Variants in HIVEP3 observed in about 807,000 individuals in gnomAD.
HIVEP3 encodes the protein transcription factor HIVEP3.
HIVEP3 carries 49 observed loss-of-function variants against 152.8 expected under a neutral mutation model. The observed-to-expected ratio is 0.32, with a 90% CI of 0.26 to 0.41. HIVEP3 has a LOEUF of 0.41. Ranked by LOEUF, HIVEP3 falls within the 10% of genes least tolerant of loss-of-function variation. The pLI is 1.00. For missense variants in HIVEP3, 2,790 were observed against 3,103.3 expected (o/e 0.90, Z 2.40); for synonymous variants, 1,269 against 1,289.0 (o/e 0.98, Z 0.33).
At chr1:41,625,710 G>A (rs1222830808) in intron 3 of HIVEP3, among the ~76,000 whole-genome samples, 1 of 152,016 alleles carries the variant, frequency 6.6e-6, no homozygotes, top group African/African-American at 2.4e-5. Context: ...ACTCTAGCCT[G>A]GGCAACAGAG....
intron 1 of HIVEP3, among the ~76,000 whole-genome samples, chr1:41,707,305 G>A (rs887876343): frequency 6.6e-6 from 1 of 152,208 alleles, no homozygotes; most frequent in African/African-American, 2.4e-5. Context: ...ACCCACAGAA[G>A]GCAGAACCAT....
At chr1:41,870,803 G>A (rs1644065794) in intron 1 of HIVEP3, among the ~76,000 whole-genome samples, 1 of 152,218 alleles carries the variant, frequency 6.6e-6, no homozygotes, top group Non-Finnish European at 1.5e-5. Context: ...GGTCATCGCT[G>A]AGGGGAGTGT....
At position 41,575,533 on chromosome 1, in the gene HIVEP3, A is replaced by T; in HGVS notation, c.5207+11T>A. 1.2e-6 allele frequency: 2 copies of T among 1,613,392 alleles called. No individual in the cohort carries two copies. Among genetic ancestry groups the T allele is most frequent in the Non-Finnish European group, 1.7e-6 (2 of 1,179,556 alleles). On this transcript the variant is annotated intron_variant, in intron 5 of 8. Transcript: ENST00000372583. ...CGGAAGCAGACGATGGAAACCAAAC[A>T]TGAGTCTTACCCTCCTTCGAAGATT... is the stretch of plus-strand genomic sequence containing the variant.
intron 4 of HIVEP3, among the ~76,000 whole-genome samples, chr1:41,578,206 C>A (rs1569977582): frequency 1.3e-5 from 2 of 152,192 alleles, no homozygotes; most frequent in African/African-American, 4.8e-5. Context: ...TGCACCCTAA[C>A]TTTCAAGTTG....
chr1:41,810,180 T>C (rs57993515), intron 1 of HIVEP3, among the ~76,000 whole-genome samples: 4,190 of 152,298 alleles, frequency 0.028, 200 homozygotes, highest in African/African-American at 0.096. Flanking sequence ...TGGGTAATTG[T>C]AGAAATCCAC....
At chr1:42,035,826 G>T in exon 1 of HIVEP3, 2 of 150,630 alleles carry the variant, frequency 1.3e-5, no homozygotes, top group South Asian at 3.7e-4. Flanking sequence ...GGGCCGGGGC[G>T]GCGGGAGGCG....
At chr1:41,718,795 C>G (rs1176869047) in intron 1 of HIVEP3, among the ~76,000 whole-genome samples, 5 of 148,630 alleles carry the variant, frequency 3.4e-5, no homozygotes, top group Non-Finnish European at 7.3e-5. Flanking sequence ...CACACACACA[C>G]ACGTGCACAC....
At chr1:41,527,454 ACCCCTGTCCT>A (rs1643023778) in intron 5 of HIVEP3, among the ~76,000 whole-genome samples, 1 of 84,164 alleles carries the variant, frequency 1.2e-5, no homozygotes, top group Non-Finnish European at 2.4e-5. Flanking sequence ...TCACCCTCAC[ACCCCTGTCCT>A]CACACTCACC....
At chr1:41,532,848 GGGA>G (rs1413420222) in intron 5 of HIVEP3, among the ~76,000 whole-genome samples, 1 of 152,184 alleles carries the variant, frequency 6.6e-6, no homozygotes, top group Non-Finnish European at 1.5e-5. Flanking sequence ...ATGTAGATTT[GGGA>G]GGAGGATGAC....
At chr1:41,905,975 C>A (rs1306838054) in intron 1 of HIVEP3, among the ~76,000 whole-genome samples, 1 of 152,172 alleles carries the variant, frequency 6.6e-6, no homozygotes, top group Non-Finnish European at 1.5e-5. Context: ...TAGCCCAAAT[C>A]TGGAAACAAT....
intron 5 of HIVEP3, among the ~76,000 whole-genome samples, chr1:41,561,212 G>A (rs1474928251): frequency 2.0e-5 from 3 of 152,158 alleles, no homozygotes; most frequent in African/African-American, 7.2e-5. Context: ...CTCACAAAGA[G>A]CAATTGCAGA....
intron 1 of HIVEP3, among the ~76,000 whole-genome samples, chr1:41,943,460 C>T (rs1474487387): frequency 6.6e-6 from 1 of 152,184 alleles, no homozygotes. Flanking sequence ...TCAGTGGCTT[C>T]CCACTACCTA....
intron 3 of HIVEP3, among the ~76,000 whole-genome samples, chr1:41,593,578 G>A (rs947085536): frequency 6.6e-6 from 1 of 152,228 alleles, no homozygotes; most frequent in Non-Finnish European, 1.5e-5. Context: ...GCTTTTCATG[G>A]GGACTGGCAA....
chr1:41,744,664 C>T (rs192155429), intron 1 of HIVEP3, among the ~76,000 whole-genome samples: 1 of 152,294 alleles, frequency 6.6e-6, no homozygotes, highest in South Asian at 2.1e-4. Context: ...AGTGAGATTG[C>T]GGCTAAGCGT....
intron 5 of HIVEP3, among the ~76,000 whole-genome samples, chr1:41,562,722 A>G (rs1418755275): frequency 6.6e-6 from 1 of 151,998 alleles, no homozygotes; most frequent in East Asian, 1.9e-4. Context: ...GACTAACAGT[A>G]AACTTTTGGA....
chr1:41,999,585 T>A (rs1440652397), intron 1 of HIVEP3, among the ~76,000 whole-genome samples: 1 of 151,898 alleles, frequency 6.6e-6, no homozygotes, highest in East Asian at 1.9e-4. Context: ...CACTACAAAT[T>A]GAGATAAATA....
At chr1:41,864,103 C>T (rs2124402983) in intron 1 of HIVEP3, among the ~76,000 whole-genome samples, 1 of 152,320 alleles carries the variant, frequency 6.6e-6, no homozygotes, top group East Asian at 1.9e-4. Context: ...CATCCGCTCT[C>T]CCCTACAGAC....
At chr1:41,546,731 C>G (rs1643813092) in intron 5 of HIVEP3, among the ~76,000 whole-genome samples, 1 of 152,244 alleles carries the variant, frequency 6.6e-6, no homozygotes, top group Non-Finnish European at 1.5e-5. Flanking sequence ...TTACATGCCT[C>G]CCTGCATCAG....
upstream of HIVEP3, among the ~76,000 whole-genome samples, chr1:41,921,033 T>A (rs146325779): frequency 1.3e-4 from 20 of 152,284 alleles, no homozygotes; most frequent in South Asian, 1.0e-3. Flanking sequence ...GTTACATGAG[T>A]CTGGAAGGTC....
Sources: allele counts gnomAD v4.1 joint callset (sites outside exome capture counted in the v4.1 genomes callset), GRCh38; gene constraint gnomAD v4.1.1; transcripts MANE v1.5; gene names NCBI Gene and HGNC (gene_info 2026-07-23, HGNC 2026-07-21).